MED13L: variants seen among roughly 807,000 people sequenced by gnomAD.
MED13L encodes the protein mediator of RNA polymerase II transcription subunit 13-like.
Under a neutral mutation model 220.9 loss-of-function variants are expected in MED13L, and 7 were observed. The observed-to-expected ratio is 0.03, with a 90% CI of 0.02 to 0.06. The LOEUF is 0.06. MED13L is among the 10% of genes least tolerant of loss of function. The probability of loss-of-function intolerance (pLI) is 1.00; values close to 1 mark genes in which losing one functional copy is unlikely to be tolerated. For synonymous variants in MED13L, 1,011 were observed against 1,015.2 expected (o/e 1.00, Z 0.08); for missense variants, 1,965 against 2,760.5 (o/e 0.71, Z 6.46).
At chr12:116,201,779 T>C (rs926162078) in intron 2 of MED13L, among the ~76,000 whole-genome samples, 1 of 152,176 alleles carries the variant, frequency 6.6e-6, no homozygotes, top group African/African-American at 2.4e-5. Flanking sequence ...GAGCCATCCA[T>C]ATAAGACTAT....
chr12:116,178,622 C>G lies in MED13L; in HGVS notation c.310+58846G>C, dbSNP rs147832664. ...TGAACACTCTAATCCTGTGATACTT[C>G]TGCACTGTTCTTACAACCCACTTGC... On this transcript the variant is annotated intron_variant, in intron 2 of 30. Coordinates refer to ENST00000281928, the MANE Select transcript of MED13L (RefSeq NM_015335.5). 4.0e-3 allele frequency among the ~76,000 whole-genome samples: 613 copies of G among 152,316 alleles called. 3 individuals are homozygous for G. Among genetic ancestry groups the G allele is most frequent in the Non-Finnish European group, 5.9e-3 (401 of 68,024 alleles).
At chr12:115,973,567 G>A (rs549515037) in intron 25 of MED13L, among the ~76,000 whole-genome samples, 11 of 152,244 alleles carry the variant, frequency 7.2e-5, no homozygotes, top group Admixed American at 7.2e-4. Flanking sequence ...AATACCAAGT[G>A]ACTAGACTAT....
chr12:116,176,496 T>C (rs748726287), intron 2 of MED13L, among the ~76,000 whole-genome samples: 3 of 152,080 alleles, frequency 2.0e-5, no homozygotes, highest in Non-Finnish European at 4.4e-5. Flanking sequence ...ATATGAAGAA[T>C]GTAAGCTGAA....
chr12:115,987,327 G>A (rs1316216761), intron 17 of MED13L, 39 bp from the exon 18 acceptor site: 1 of 1,581,258 alleles, frequency 6.3e-7, no homozygotes, highest in African/African-American at 1.3e-5. Flanking sequence ...AGATAAGGGG[G>A]CTAGCACCCT....
chr12:116,250,025 TA>T (rs71095516), intron 1 of MED13L, among the ~76,000 whole-genome samples: 4,355 of 40,556 alleles, frequency 0.11, 55 homozygotes, highest in Middle Eastern at 0.13. Context: ...CAGCATAAAC[TA>T]AAAAAAAAAA....
chr12:116,051,286 G>A (rs1302657742), intron 4 of MED13L, among the ~76,000 whole-genome samples: 1 of 151,782 alleles, frequency 6.6e-6, no homozygotes, highest in Non-Finnish European at 1.5e-5. Context: ...CTGGATGACA[G>A]AGCGAGACTC....
At chr12:115,997,488 C>G (rs999498627) in intron 14 of MED13L, among the ~76,000 whole-genome samples, 3 of 152,224 alleles carry the variant, frequency 2.0e-5, no homozygotes, top group African/African-American at 2.4e-5. Flanking sequence ...GTGGCCTGAT[C>G]TTGACTCACT....
intron 2 of MED13L, among the ~76,000 whole-genome samples, chr12:116,217,842 C>G (rs1030253193): frequency 5.3e-5 from 8 of 152,072 alleles, no homozygotes; most frequent in African/African-American, 1.9e-4. Context: ...GTAAAGAGAA[C>G]CCACTAAAAC....
intron 29 of MED13L, 89 bp from the exon 30 acceptor site, chr12:115,963,608 T>A: frequency 1.1e-6 from 1 of 944,248 alleles, no homozygotes; most frequent in Non-Finnish European, 1.7e-6. Context: ...AAGCAGATGC[T>A]CCCAAAAGTC....
At chr12:116,195,319 G>T (rs1881551854) in intron 2 of MED13L, among the ~76,000 whole-genome samples, 1 of 152,100 alleles carries the variant, frequency 6.6e-6, no homozygotes, top group South Asian at 2.1e-4. Context: ...ACCACTAGAA[G>T]GGACTGTGGG....
chr12:116,074,069 T>TA (rs1484889933), intron 4 of MED13L, among the ~76,000 whole-genome samples: 5 of 152,176 alleles, frequency 3.3e-5, no homozygotes, highest in Non-Finnish European at 7.4e-5. Context: ...CCCAATCCCA[T>TA]ACCTTAAATA....
At chr12:116,244,548 C>T (rs1870934765) in intron 1 of MED13L, among the ~76,000 whole-genome samples, 1 of 152,146 alleles carries the variant, frequency 6.6e-6, no homozygotes, top group South Asian at 2.1e-4. Context: ...AGATACAACC[C>T]AATTGACACA....
At chr12:116,185,289 T>TA (rs1880806901) in intron 2 of MED13L, among the ~76,000 whole-genome samples, 1 of 151,484 alleles carries the variant, frequency 6.6e-6, no homozygotes, top group South Asian at 2.1e-4. Context: ...TTTTTAAAAA[T>TA]ATATACTAAT....
At chr12:115,986,846 G>C (rs1342867166) in intron 18 of MED13L, among the ~76,000 whole-genome samples, 1 of 152,162 alleles carries the variant, frequency 6.6e-6, no homozygotes, top group Non-Finnish European at 1.5e-5. Context: ...TGAAAATGCA[G>C]TGAGGATTGG....
At chr12:116,144,628 CCAACTA>C (rs1486843403) in intron 2 of MED13L, among the ~76,000 whole-genome samples, 2 of 152,148 alleles carry the variant, frequency 1.3e-5, no homozygotes, top group African/African-American at 2.4e-5. Context: ...TTCTGAAACT[CCAACTA>C]CTTTATGCAA....
At chr12:116,241,165 G>T (rs1279240286) in intron 1 of MED13L, among the ~76,000 whole-genome samples, 2 of 151,360 alleles carry the variant, frequency 1.3e-5, no homozygotes, top group African/African-American at 4.9e-5. Flanking sequence ...AAATTAGCGG[G>T]GCGTGGTGGT....
intron 4 of MED13L, among the ~76,000 whole-genome samples, chr12:116,083,404 GA>G (rs61301423): frequency 0.18 from 14,462 of 79,494 alleles, 749 homozygotes; most frequent in East Asian, 0.33. Context: ...TGTCTCGAGG[GA>G]AAAAAAAAAA....
chr12:116,136,185 G>A (rs1425604817), intron 2 of MED13L, among the ~76,000 whole-genome samples: 1 of 152,194 alleles, frequency 6.6e-6, no homozygotes, highest in Non-Finnish European at 1.5e-5. Flanking sequence ...ACAGGCGTGA[G>A]CCACTGCACC....
chr12:116,122,095 G>T (rs552729385), intron 2 of MED13L, among the ~76,000 whole-genome samples: 1 of 151,660 alleles, frequency 6.6e-6, no homozygotes. Context: ...ACGCATCGTA[G>T]TGTTTAAAAA....
Sources: gnomAD v4.1 joint callset for allele counts (sites outside exome capture counted in the v4.1 genomes callset) on GRCh38, gnomAD v4.1.1 for gene constraint, MANE v1.5 for transcripts, NCBI Gene and HGNC (gene_info 2026-07-23, HGNC 2026-07-21) for gene names.